The following CHCHD6 variants were observed in gnomAD, a reference collection of about 807,000 sequenced individuals.
CHCHD6 encodes coiled-coil-helix-coiled-coil-helix domain containing 6.
Under a neutral mutation model 32.3 loss-of-function variants are expected in CHCHD6, and 28 were observed. The ratio of observed to expected loss-of-function variants is 0.87; its 90% CI spans 0.64 to 1.19. CHCHD6 has a LOEUF of 1.19. Ranked by LOEUF, CHCHD6 falls within the 50% of genes most tolerant of loss-of-function variation. CHCHD6 has a pLI of 0.00. For missense variants in CHCHD6, 333 were observed against 307.0 expected, an observed-to-expected ratio of 1.08 and a Z score of -0.63; for synonymous variants, 122 against 117.5, an observed-to-expected ratio of 1.04 and a Z score of -0.25.
chr3:126,877,167 C>A (rs111591135), intron 5 of CHCHD6, among the ~76,000 whole-genome samples: 1 of 152,172 alleles, frequency 6.6e-6, no homozygotes, highest in Non-Finnish European at 1.5e-5. Flanking sequence ...AATTGTTACT[C>A]ATAGCGGGGA....
chr3:126,822,517 G>T (rs1424763083), intron 4 of CHCHD6, among the ~76,000 whole-genome samples: 2 of 152,040 alleles, frequency 1.3e-5, no homozygotes, highest in African/African-American at 4.8e-5. Flanking sequence ...CTCTACTTCT[G>T]TTTATTTTCC....
chr3:126,891,561 C>T (rs181062080), intron 5 of CHCHD6, among the ~76,000 whole-genome samples: 2 of 152,250 alleles, frequency 1.3e-5, no homozygotes. Context: ...TGACTTTGCA[C>T]TTTGGGAAGA....
intron 4 of CHCHD6, among the ~76,000 whole-genome samples, chr3:126,750,975 A>G (rs1936698060): frequency 6.6e-6 from 1 of 152,224 alleles, no homozygotes; most frequent in Non-Finnish European, 1.5e-5. Context: ...CCCCAGCACA[A>G]CATCTTGACC....
intron 6 of CHCHD6, among the ~76,000 whole-genome samples, chr3:126,930,910 T>A (rs920425636): frequency 1.3e-5 from 2 of 152,246 alleles, no homozygotes; most frequent in African/African-American, 4.8e-5. Flanking sequence ...CTCTCTCTGA[T>A]GGAAACAGCT....
chr3:126,884,292 A>C lies in CHCHD6; in HGVS notation c.496-30388A>C, dbSNP rs986209184. The stretch of plus-strand genomic sequence containing the variant: ...TAGATTAGGCAGCGTCCTGCAAAAA[A>C]GAAATCTTTCCAGCTGAGTCTTTTA... On this transcript the variant is annotated intron_variant, in intron 5 of 7. Transcript: ENST00000290913. Among the ~76,000 whole-genome samples, 4 of 152,354 alleles carry C rather than the reference A, an allele frequency of 2.6e-5. No homozygotes were observed. The East Asian group carries it at 7.7e-4, about 29-fold the overall frequency.
intron 1 of CHCHD6, among the ~76,000 whole-genome samples, chr3:126,724,202 G>A (rs1409695665): frequency 6.6e-6 from 1 of 152,202 alleles, no homozygotes; most frequent in Non-Finnish European, 1.5e-5. Context: ...GGCAGGAGGT[G>A]TAGTACTTCT....
intron 5 of CHCHD6, chr3:126,865,438 C>T (rs1942258477): frequency 5.5e-6 from 2 of 362,932 alleles, no homozygotes; most frequent in Non-Finnish European, 7.6e-6. Flanking sequence ...CCTCTACCCT[C>T]CACCACCAGC....
At chr3:126,902,238 C>T (rs765186473) in intron 5 of CHCHD6, among the ~76,000 whole-genome samples, 3 of 152,124 alleles carry the variant, frequency 2.0e-5, no homozygotes, top group Non-Finnish European at 4.4e-5. Context: ...TGGGCTCAGG[C>T]AAAACGTGTA....
At chr3:126,832,948 T>C (rs2107542666) in intron 4 of CHCHD6, among the ~76,000 whole-genome samples, 1 of 152,318 alleles carries the variant, frequency 6.6e-6, no homozygotes, top group East Asian at 1.9e-4. Flanking sequence ...TTCACAGTCA[T>C]CACTTTGGGT....
At chr3:126,746,206 C>T (rs1936495746) in intron 4 of CHCHD6, among the ~76,000 whole-genome samples, 1 of 152,206 alleles carries the variant, frequency 6.6e-6, no homozygotes, top group Admixed American at 6.5e-5. Flanking sequence ...GTGGCTTCTA[C>T]TGGGAGCCTT....
chr3:126,914,877 C>T (rs1283098775), intron 6 of CHCHD6, 127 bp downstream of exon 6: 3 of 671,138 alleles, frequency 4.5e-6, no homozygotes, highest in South Asian at 1.7e-5. Context: ...ACCATCTGTT[C>T]CTCAGCTCTC....
chr3:126,744,774 G>T (rs892373257), intron 4 of CHCHD6, among the ~76,000 whole-genome samples: 2 of 151,858 alleles, frequency 1.3e-5, no homozygotes, highest in African/African-American at 2.4e-5. Context: ...TGCAACCTCC[G>T]CCTCCTGGGT....
intron 4 of CHCHD6, among the ~76,000 whole-genome samples, chr3:126,744,920 G>A (rs546540481): frequency 4.6e-4 from 70 of 152,248 alleles, no homozygotes; most frequent in African/African-American, 1.3e-3. Context: ...CTGTCTTTTT[G>A]ACTGGCAGTC....
intron 4 of CHCHD6, among the ~76,000 whole-genome samples, chr3:126,832,035 GA>G (rs146503431): frequency 9.2e-5 from 14 of 151,562 alleles, no homozygotes; most frequent in Non-Finnish European, 1.6e-4. Flanking sequence ...TAAAGAAGAG[GA>G]AAAAAAAGGA....
intron 4 of CHCHD6, among the ~76,000 whole-genome samples, chr3:126,841,672 A>C (rs1293268316): frequency 6.6e-6 from 1 of 151,532 alleles, no homozygotes; most frequent in African/African-American, 2.4e-5. Context: ...TTGGGAGGCC[A>C]AGGTGGGAGG....
intron 4 of CHCHD6, among the ~76,000 whole-genome samples, chr3:126,841,525 A>G (rs965849637): frequency 1.3e-5 from 2 of 152,218 alleles, no homozygotes; most frequent in Non-Finnish European, 2.9e-5. Context: ...ATTTAGACCC[A>G]TCATGGATCT....
At chr3:126,708,892 A>G (rs1339281578) in intron 1 of CHCHD6, among the ~76,000 whole-genome samples, 1 of 152,122 alleles carries the variant, frequency 6.6e-6, no homozygotes, top group Non-Finnish European at 1.5e-5. Context: ...TTCTCTGGAC[A>G]TTTCGTAGAT....
intron 6 of CHCHD6, among the ~76,000 whole-genome samples, chr3:126,925,196 T>C (rs1223969728): frequency 6.6e-6 from 1 of 152,184 alleles, no homozygotes; most frequent in Admixed American, 6.5e-5. Context: ...GCACTCCATT[T>C]GGGGCTGTGC....
At chr3:126,873,427 G>A (rs1201828370) in intron 5 of CHCHD6, among the ~76,000 whole-genome samples, 1 of 152,210 alleles carries the variant, frequency 6.6e-6, no homozygotes, top group African/African-American at 2.4e-5. Context: ...GGCAGAGTAA[G>A]AGCTGAGGAG....
Sources: gnomAD v4.1 joint callset for allele counts (sites outside exome capture counted in the v4.1 genomes callset) on GRCh38, gnomAD v4.1.1 for gene constraint, MANE v1.5 for transcripts, NCBI Gene and HGNC (gene_info 2026-07-23, HGNC 2026-07-21) for gene names.